The following PTPRM variants were observed in gnomAD, a reference collection of about 807,000 sequenced individuals.
PTPRM encodes the protein receptor-type tyrosine-protein phosphatase mu.
Under a neutral mutation model 186.7 loss-of-function variants are expected in PTPRM, and 47 were observed. The observed-to-expected ratio is 0.25, with a 90% CI of 0.20 to 0.32. PTPRM has a LOEUF of 0.32. Among genes scored for constraint, PTPRM ranks in the 10% least tolerant of loss-of-function variants. The pLI is 1.00. For missense variants in PTPRM, 1,494 were observed against 1,865.0 expected (o/e 0.80, Z 3.66); for synonymous variants, 668 against 674.9 (o/e 0.99, Z 0.16).
At chr18:8,154,388 A>T (rs558478464) in intron 14 of PTPRM, among the ~76,000 whole-genome samples, 1 of 152,312 alleles carries the variant, frequency 6.6e-6, no homozygotes, top group Non-Finnish European at 1.5e-5. Flanking sequence ...GCTGTTGGTC[A>T]TAAAGACAGA....
intron 1 of PTPRM, among the ~76,000 whole-genome samples, chr18:7,710,049 AACC>A (rs2040179439): frequency 3.3e-5 from 5 of 152,212 alleles, no homozygotes; most frequent in Non-Finnish European, 4.4e-5. Context: ...CATTCTATGA[AACC>A]AGTATCACCC....
chr18:7,724,976 G>A (rs2040517723), intron 1 of PTPRM, among the ~76,000 whole-genome samples: 1 of 152,168 alleles, frequency 6.6e-6, no homozygotes, highest in Admixed American at 6.5e-5. Flanking sequence ...GGACTCAACA[G>A]ATGCAAATGG....
chr18:8,187,849 C>T (rs1358973667), intron 14 of PTPRM, among the ~76,000 whole-genome samples: 6 of 152,168 alleles, frequency 3.9e-5, no homozygotes, highest in African/African-American at 1.2e-4. Flanking sequence ...TTGCTTTAAC[C>T]TTGAAGAGCA....
chr18:8,247,743 A>G, intron 15 of PTPRM, 102 bp from the exon 16 acceptor site: 1 of 799,614 alleles, frequency 1.3e-6, no homozygotes, highest in East Asian at 2.4e-5. Flanking sequence ...TCCCGGAGTC[A>G]CCGTGGGTAG....
At chr18:8,366,055 T>G (rs2095627269) in intron 23 of PTPRM, among the ~76,000 whole-genome samples, 1 of 152,066 alleles carries the variant, frequency 6.6e-6, no homozygotes, top group African/African-American at 2.4e-5. Context: ...TTAATTAGAG[T>G]ATGGCCTGGG....
chr18:8,202,388 A>C (rs1036249526), intron 14 of PTPRM, among the ~76,000 whole-genome samples: 1 of 152,152 alleles, frequency 6.6e-6, no homozygotes, highest in Admixed American at 6.5e-5. Context: ...GCCATATTCT[A>C]GTTATCATAT....
intron 19 of PTPRM, among the ~76,000 whole-genome samples, chr18:8,255,685 A>G (rs2094568199): frequency 6.6e-6 from 1 of 152,256 alleles, no homozygotes; most frequent in Non-Finnish European, 1.5e-5. Flanking sequence ...GATATCAGGA[A>G]CAAATAGGAA....
intron 2 of PTPRM, among the ~76,000 whole-genome samples, chr18:7,820,779 C>T (rs1203662886): frequency 2.0e-5 from 3 of 152,224 alleles, no homozygotes; most frequent in Non-Finnish European, 2.9e-5. Context: ...TTTGGCTTCT[C>T]TCATGGCAGC....
At chr18:7,793,139 T>A (rs1428602388) in intron 2 of PTPRM, among the ~76,000 whole-genome samples, 3 of 152,120 alleles carry the variant, frequency 2.0e-5, no homozygotes, top group Non-Finnish European at 2.9e-5. Flanking sequence ...GCATTTGGCT[T>A]GTACATTTTA....
At chr18:7,751,048 C>G (rs990767914) in intron 1 of PTPRM, 1 of 149,702 alleles carries the variant, frequency 6.7e-6, no homozygotes, top group South Asian at 2.1e-4. Flanking sequence ...TATTTGCTTT[C>G]TGTATGTGCC....
rs148316880 is a variant in PTPRM at position 7,917,887 on chromosome 18, A to G, written c.548-8681A>G. Among the ~76,000 whole-genome samples the G allele has an allele frequency of 1.6e-3, 242 of 152,264 alleles. 1 individual carries two copies. Among genetic ancestry groups the G allele is most frequent in the African/African-American group, 5.3e-3 (222 of 41,546 alleles). ...AACCATTAATCTACTCTCTATCTTC[A>G]TGAGATCCACTATTTTAGCTCCAAC... is the stretch of plus-strand genomic sequence containing the variant. On this transcript the variant is annotated intron_variant, in intron 4 of 32. Coordinates refer to ENST00000580170, the MANE Select transcript of PTPRM (RefSeq NM_001105244.2).
At chr18:8,286,251 T>C (rs1316574821) in intron 19 of PTPRM, among the ~76,000 whole-genome samples, 1 of 152,176 alleles carries the variant, frequency 6.6e-6, no homozygotes, top group South Asian at 2.1e-4. Context: ...ATCACATTAG[T>C]GAAATGAGTA....
chr18:7,883,727 T>C (rs764035420), intron 2 of PTPRM, among the ~76,000 whole-genome samples: 11 of 152,222 alleles, frequency 7.2e-5, no homozygotes, highest in Non-Finnish European at 1.2e-4. Context: ...GAAGGTTTTG[T>C]GTTATCTCAG....
intron 1 of PTPRM, among the ~76,000 whole-genome samples, chr18:7,581,793 C>T (rs1391861689): frequency 6.6e-6 from 1 of 151,520 alleles, no homozygotes; most frequent in African/African-American, 2.4e-5. Flanking sequence ...CTGGGACTCC[C>T]AAGCAGCATG....
intron 14 of PTPRM, among the ~76,000 whole-genome samples, chr18:8,181,860 GAA>G: frequency 1.2e-5 from 1 of 81,928 alleles, no homozygotes; most frequent in South Asian, 2.9e-4. Flanking sequence ...TTTAATACGT[GAA>G]AAAAAAAAAT....
At chr18:7,575,314 C>G (rs2036661855) in intron 1 of PTPRM, among the ~76,000 whole-genome samples, 1 of 152,178 alleles carries the variant, frequency 6.6e-6, no homozygotes, top group African/African-American at 2.4e-5. Flanking sequence ...GTAGCTGCGT[C>G]CCTTAACCCC....
intron 3 of PTPRM, among the ~76,000 whole-genome samples, chr18:7,889,096 C>T (rs1261228143): frequency 6.6e-6 from 1 of 152,026 alleles, no homozygotes; most frequent in Non-Finnish European, 1.5e-5. Context: ...GCACCTGTTC[C>T]TCCTGAATCT....
At chr18:8,114,508 T>C (rs963762796) in intron 12 of PTPRM, among the ~76,000 whole-genome samples, 3 of 152,114 alleles carry the variant, frequency 2.0e-5, no homozygotes, top group Admixed American at 6.5e-5. Context: ...TCTGGTCCTT[T>C]ACTTTACCTC....
chr18:8,049,655 C>CATATATAT (rs150500622), intron 7 of PTPRM, among the ~76,000 whole-genome samples: 21 of 147,962 alleles, frequency 1.4e-4, no homozygotes, highest in African/African-American at 5.2e-4. Context: ...ACATAATAAA[C>CATATATAT]ATATATATAT....
Sources: gnomAD v4.1 joint callset for allele counts (sites outside exome capture counted in the v4.1 genomes callset) on GRCh38, gnomAD v4.1.1 for gene constraint, MANE v1.5 for transcripts, NCBI Gene and HGNC (gene_info 2026-07-23, HGNC 2026-07-21) for gene names.